SLC35F4: variants seen among roughly 807,000 people sequenced by gnomAD.
The protein encoded by SLC35F4 is chromosome 14 open reading frame 36.
In SLC35F4, 24 loss-of-function variants were observed where a neutral mutation model predicts 44.2. The observed-to-expected ratio is 0.54, with a 90% CI of 0.39 to 0.76. The LOEUF (loss-of-function observed/expected upper bound fraction) is 0.76. Ranked by LOEUF, SLC35F4 falls within the 30% of genes least tolerant of loss-of-function variation. The probability of loss-of-function intolerance (pLI) is 0.00; values close to 1 mark genes in which losing one functional copy is unlikely to be tolerated. For synonymous variants in SLC35F4, 238 were observed against 223.6 expected (o/e 1.06, Z -0.57); for missense variants, 562 against 586.1 (o/e 0.96, Z 0.42).
intron 1 of SLC35F4, among the ~76,000 whole-genome samples, chr14:57,664,809 G>A (rs2074254213): frequency 2.0e-5 from 3 of 152,158 alleles, no homozygotes; most frequent in Admixed American, 6.5e-5. Flanking sequence ...TTGCTTCCAT[G>A]AAAATCAGGC....
At chr14:57,830,141 T>C (rs1036289964) in intron 1 of SLC35F4, among the ~76,000 whole-genome samples, 3 of 152,240 alleles carry the variant, frequency 2.0e-5, no homozygotes, top group Non-Finnish European at 4.4e-5. Flanking sequence ...AAGTAAAATC[T>C]AGAAATACTA....
chr14:57,603,454 C>A (rs1566671315), intron 1 of SLC35F4, among the ~76,000 whole-genome samples: 1 of 152,146 alleles, frequency 6.6e-6, no homozygotes, highest in Non-Finnish European at 1.5e-5. Context: ...GGAAACAGTG[C>A]CCTACATCCT....
upstream of SLC35F4, among the ~76,000 whole-genome samples, chr14:57,869,909 A>G (rs76057639): frequency 0.072 from 11,034 of 152,218 alleles, 466 homozygotes; most frequent in Middle Eastern, 0.14. Context: ...AATAGTAGGC[A>G]ATGGCAGACA....
At chr14:57,935,380 A>T (rs1396169117) in intron 1 of SLC35F4, among the ~76,000 whole-genome samples, 1 of 152,162 alleles carries the variant, frequency 6.6e-6, no homozygotes, top group Admixed American at 6.5e-5. Context: ...CTAGCTACCC[A>T]TGGGTGTGTT....
intron 1 of SLC35F4, among the ~76,000 whole-genome samples, chr14:57,779,126 A>G (rs188478078): frequency 1.2e-4 from 18 of 152,084 alleles, no homozygotes; most frequent in African/African-American, 4.3e-4. Flanking sequence ...AATAATAATA[A>G]TAACCAAAAT....
intron 1 of SLC35F4, among the ~76,000 whole-genome samples, chr14:57,603,454 C>T (rs1566671315): frequency 6.6e-6 from 1 of 152,266 alleles, no homozygotes; most frequent in East Asian, 1.9e-4. Flanking sequence ...GGAAACAGTG[C>T]CCTACATCCT....
chr14:57,835,020 C>T (rs1884768467), intron 1 of SLC35F4, among the ~76,000 whole-genome samples: 1 of 152,198 alleles, frequency 6.6e-6, no homozygotes, highest in African/African-American at 2.4e-5. Context: ...CAGAGGGAGA[C>T]TCTGTCTCAA....
At chr14:57,816,393 G>A (rs1382754792) in intron 1 of SLC35F4, among the ~76,000 whole-genome samples, 1 of 152,100 alleles carries the variant, frequency 6.6e-6, no homozygotes, top group Non-Finnish European at 1.5e-5. Flanking sequence ...CAGTCATGCA[G>A]AAAATGAACC....
At chr14:57,943,678 C>T (rs1328930202) in intron 1 of SLC35F4, among the ~76,000 whole-genome samples, 1 of 152,222 alleles carries the variant, frequency 6.6e-6, no homozygotes, top group Non-Finnish European at 1.5e-5. Flanking sequence ...GCCCCGATGT[C>T]TGCACGGATC....
intron 1 of SLC35F4, among the ~76,000 whole-genome samples, chr14:57,708,249 A>C (rs558271496): frequency 6.6e-6 from 1 of 152,300 alleles, no homozygotes; most frequent in South Asian, 2.1e-4. Flanking sequence ...ACAGCAAGAA[A>C]ATTTCACTTT....
chr14:57,877,276 T>A (rs1455946175), intron 1 of SLC35F4, among the ~76,000 whole-genome samples: 14 of 152,228 alleles, frequency 9.2e-5, no homozygotes. Context: ...TTTATGTTCC[T>A]GTGTTAATTG....
chr14:57,976,125 T>G (rs1341195330), downstream of SLC35F4, among the ~76,000 whole-genome samples: 3 of 152,214 alleles, frequency 2.0e-5, no homozygotes, highest in Non-Finnish European at 4.4e-5. Flanking sequence ...TAGAACCCAC[T>G]GATTTAAGGG....
At chr14:57,612,396 C>T (rs1329561270) in intron 1 of SLC35F4, among the ~76,000 whole-genome samples, 1 of 152,204 alleles carries the variant, frequency 6.6e-6, no homozygotes, top group Non-Finnish European at 1.5e-5. Flanking sequence ...TCTCCCCACC[C>T]AGCAGTTGGG....
chr14:57,726,387 A>G (rs902704085), intron 1 of SLC35F4, among the ~76,000 whole-genome samples: 1 of 152,230 alleles, frequency 6.6e-6, no homozygotes, highest in Non-Finnish European at 1.5e-5. Flanking sequence ...CATCAATACC[A>G]GCTATGACCA....
intron 6 of SLC35F4, among the ~76,000 whole-genome samples, chr14:57,568,520 A>G (rs1021619300): frequency 1.3e-5 from 2 of 152,198 alleles, no homozygotes; most frequent in Non-Finnish European, 2.9e-5. Context: ...AGAGGTTATG[A>G]GAGGTGCTAA....
rs532257249 is a variant in SLC35F4, at chr14:57,817,549, C to T, written c.103+48174G>A. On this transcript the variant is annotated intron_variant, in intron 1 of 7. Coordinates refer to ENST00000556826, the MANE Select transcript of SLC35F4 (RefSeq NM_001306087.2). ...AATAAAATCTCTGCTGTGGCAGGAA[C>T]GAGGATATATGCAATGGAACTGCAG... Among the ~76,000 whole-genome samples, 11 of 152,116 alleles carry T rather than the reference C, an allele frequency of 7.2e-5. No individual in the cohort carries two copies. In the East Asian group the frequency reaches 7.7e-4, roughly 11 times the overall value.
intron 1 of SLC35F4, among the ~76,000 whole-genome samples, chr14:57,874,516 A>G (rs571981382): frequency 8.5e-5 from 13 of 152,334 alleles, no homozygotes; most frequent in Admixed American, 1.3e-4. Context: ...CCAGAAATGT[A>G]ATAACTTGCC....
chr14:57,810,758 G>T (rs1469167079), intron 1 of SLC35F4, among the ~76,000 whole-genome samples: 3 of 152,198 alleles, frequency 2.0e-5, no homozygotes, highest in Non-Finnish European at 4.4e-5. Flanking sequence ...TGAGAACTCT[G>T]AATTGCACAA....
chr14:57,793,968 A>G (rs1292643339), intron 1 of SLC35F4, among the ~76,000 whole-genome samples: 1 of 152,176 alleles, frequency 6.6e-6, no homozygotes, highest in Non-Finnish European at 1.5e-5. Flanking sequence ...AGGAAAGGAC[A>G]TGCTATTCAA....
Sources: allele counts gnomAD v4.1 joint callset (sites outside exome capture counted in the v4.1 genomes callset), GRCh38; gene constraint gnomAD v4.1.1; transcripts MANE v1.5; gene names NCBI Gene and HGNC (gene_info 2026-07-23, HGNC 2026-07-21).